Variants in CNOT2 observed in about 807,000 individuals in gnomAD.
CNOT2 encodes CC chemokine receptor 4-negative regulator of transcription 2.
In CNOT2, 7 loss-of-function variants were observed where a neutral mutation model predicts 72.1. The observed-to-expected ratio is 0.10, with a 90% confidence interval of 0.06 to 0.18. The LOEUF (loss-of-function observed/expected upper bound fraction) is 0.18, where lower values mean the gene tolerates loss of function less well. Ranked by LOEUF, CNOT2 falls within the 10% of genes least tolerant of loss-of-function variation. The pLI is 1.00. For synonymous variants in CNOT2, 196 were observed against 225.6 expected (o/e 0.87, Z 1.17); for missense variants, 345 against 660.3 (o/e 0.52, Z 5.23).
At chr12:70,254,882 G>C (rs945437106) in intron 1 of CNOT2, among the ~76,000 whole-genome samples, 6 of 151,536 alleles carry the variant, frequency 4.0e-5, no homozygotes, top group African/African-American at 9.7e-5. Flanking sequence ...TTGGGAGGCT[G>C]TGGCAGGAGA....
intron 1 of CNOT2, chr12:70,243,798 G>A (rs1477856245): frequency 6.6e-6 from 1 of 152,348 alleles, no homozygotes; most frequent in Non-Finnish European, 1.5e-5. Flanking sequence ...TCCTAGGCCC[G>A]GTCCCATCCG....
chr12:70,251,232 A>G (rs1239262938), intron 1 of CNOT2, among the ~76,000 whole-genome samples: 2 of 152,120 alleles, frequency 1.3e-5, no homozygotes, highest in East Asian at 3.8e-4. Context: ...AATTTTTGTC[A>G]TACTGTAGAA....
At chr12:70,320,623 C>T (rs1322155865) in intron 4 of CNOT2, among the ~76,000 whole-genome samples, 2 of 151,532 alleles carry the variant, frequency 1.3e-5, no homozygotes, top group Non-Finnish European at 1.5e-5. Context: ...TTCTGCTTAC[C>T]CTGTGTTTTA....
chr12:70,340,853 ATGTT>A (rs1316411564), intron 11 of CNOT2, among the ~76,000 whole-genome samples: 2 of 149,726 alleles, frequency 1.3e-5, no homozygotes, highest in African/African-American at 2.5e-5. Context: ...CACCCAGTAA[ATGTT>A]TGTGGTTTCA....
chr12:70,267,980 T>C (rs1434640552), intron 1 of CNOT2, among the ~76,000 whole-genome samples: 1 of 152,220 alleles, frequency 6.6e-6, no homozygotes, highest in Non-Finnish European at 1.5e-5. Context: ...ATCTGGCCCT[T>C]TACAAAGTAT....
At chr12:70,258,772 G>C (rs1958583591) in intron 1 of CNOT2, among the ~76,000 whole-genome samples, 1 of 152,222 alleles carries the variant, frequency 6.6e-6, no homozygotes, top group African/African-American at 2.4e-5. Context: ...TTCCCCTCAA[G>C]GCGTGAGCCT....
chr12:70,302,547 G>A (rs1402698179), intron 2 of CNOT2, among the ~76,000 whole-genome samples: 3 of 152,088 alleles, frequency 2.0e-5, no homozygotes, highest in Non-Finnish European at 2.9e-5. Context: ...TCTTAATCCC[G>A]AGTTCTAGTT....
intron 1 of CNOT2, among the ~76,000 whole-genome samples, chr12:70,248,605 T>G (rs78578331): frequency 6.6e-6 from 1 of 152,246 alleles, no homozygotes; most frequent in East Asian, 1.9e-4. Context: ...ATAGGTTTGT[T>G]TAAGAGATTG....
intron 2 of CNOT2, among the ~76,000 whole-genome samples, chr12:70,290,226 C>CT (rs143095403): frequency 0.019 from 2,778 of 145,722 alleles, 81 homozygotes; most frequent in African/African-American, 0.062. Flanking sequence ...TTCAGGTGGC[C>CT]TTTTTTTTTT....
Position 70,346,334 on chromosome 12 carries a change from T to C in CNOT2, c.1536+10T>C, listed in dbSNP as rs1882161908. ...GAGGAAAGTAGCTAAGGTATATTTC[T>C]TTCCATGTGCAAATGTATAAATCTA... On this transcript the variant is annotated intron_variant, in intron 15 of 15. Transcript: ENST00000229195. 6.2e-7 allele frequency: 1 copy of C among 1,605,458 alleles called. No homozygotes were observed. The highest frequency in any genetic ancestry group is 1.3e-5 in the African/African-American group (1 of 74,730).
At chr12:70,305,873 G>GTTTTTTTTTTTTT (rs11412509) in intron 2 of CNOT2, among the ~76,000 whole-genome samples, 8 of 60,100 alleles carry the variant, frequency 1.3e-4, no homozygotes, top group East Asian at 1.4e-3. Flanking sequence ...TCTGAAGTTT[G>GTTTTTTTTTTTTT]TTTTTTTTTT....
intron 2 of CNOT2, chr12:70,294,038 A>G (rs1317757112): frequency 1.9e-6 from 2 of 1,056,682 alleles, no homozygotes; most frequent in Non-Finnish European, 1.3e-6. Context: ...GGACATTCAG[A>G]TCTTTATAGC....
At chr12:70,283,547 C>T (rs1447719992) in intron 2 of CNOT2, among the ~76,000 whole-genome samples, 1 of 149,740 alleles carries the variant, frequency 6.7e-6, no homozygotes, top group Non-Finnish European at 1.5e-5. Context: ...GAAAAGTTGT[C>T]AGATCTGGTG....
At chr12:70,266,752 T>C (rs1418732497) in intron 1 of CNOT2, among the ~76,000 whole-genome samples, 1 of 152,202 alleles carries the variant, frequency 6.6e-6, no homozygotes, top group Non-Finnish European at 1.5e-5. Flanking sequence ...ATTCTGATGG[T>C]AAGGTAGCCA....
At chr12:70,308,624 A>T (rs1380611353) in intron 2 of CNOT2, among the ~76,000 whole-genome samples, 1 of 150,944 alleles carries the variant, frequency 6.6e-6, no homozygotes, top group African/African-American at 2.4e-5. Context: ...TCTTGAGAAA[A>T]TCTGGTATTG....
intron 3 of CNOT2, among the ~76,000 whole-genome samples, chr12:70,316,910 C>A (rs532904952): frequency 6.6e-6 from 1 of 152,220 alleles, no homozygotes; most frequent in Non-Finnish European, 1.5e-5. Context: ...TGTGTGTTGT[C>A]TGGAGTTAAC....
chr12:70,335,612 GCA>G (rs774116127), intron 8 of CNOT2, 49 bp downstream of exon 8: 1 of 1,425,154 alleles, frequency 7.0e-7, no homozygotes, highest in Non-Finnish European at 9.9e-7. Context: ...CATTGTATGT[GCA>G]CACACATATA....
At chr12:70,244,849 G>A (rs1957802182) in intron 1 of CNOT2, among the ~76,000 whole-genome samples, 1 of 152,168 alleles carries the variant, frequency 6.6e-6, no homozygotes, top group Non-Finnish European at 1.5e-5. Flanking sequence ...CATATTTAGT[G>A]TCATGCTTAA....
intron 4 of CNOT2, chr12:70,323,009 A>C (rs1419969864): frequency 2.0e-5 from 3 of 151,780 alleles, no homozygotes; most frequent in Non-Finnish European, 2.9e-5. Flanking sequence ...ATTAAAAGAT[A>C]CCATGTGCAG....
Sources: gnomAD v4.1 joint callset for allele counts (sites outside exome capture counted in the v4.1 genomes callset) on GRCh38, gnomAD v4.1.1 for gene constraint, MANE v1.5 for transcripts, NCBI Gene and HGNC (gene_info 2026-07-23, HGNC 2026-07-21) for gene names.